The following EEFSEC variants were observed in gnomAD, a reference collection of about 807,000 sequenced individuals.
The protein encoded by EEFSEC is selenocysteine-specific elongation factor.
A neutral mutation model predicts 42.1 loss-of-function variants in EEFSEC; 43 were observed. The observed-to-expected ratio is 1.02, with a 90% CI of 0.80 to 1.32. The LOEUF is 1.32. Ranked by LOEUF, EEFSEC falls within the 40% of genes most tolerant of loss-of-function variation. The pLI is 0.00. For missense variants in EEFSEC, 745 were observed against 803.6 expected, an observed-to-expected ratio of 0.93 and a Z score of 0.88; for synonymous variants, 354 against 339.1, an observed-to-expected ratio of 1.04 and a Z score of -0.48.
chr3:128,178,126 G>A (rs190936021), intron 1 of EEFSEC, among the ~76,000 whole-genome samples: 73 of 152,218 alleles, frequency 4.8e-4, no homozygotes, highest in Non-Finnish European at 9.0e-4. Context: ...GTTCAGAGTC[G>A]AGTTATGTGG....
At chr3:128,248,186 A>G (rs2066147315) in intron 2 of EEFSEC, among the ~76,000 whole-genome samples, 2 of 152,344 alleles carry the variant, frequency 1.3e-5, no homozygotes, top group East Asian at 3.9e-4. Flanking sequence ...CTTTTGATCA[A>G]TACTAAATAG....
chr3:128,229,749 C>G (rs912886680), intron 1 of EEFSEC, among the ~76,000 whole-genome samples: 2 of 152,142 alleles, frequency 1.3e-5, no homozygotes, highest in African/African-American at 4.8e-5. Context: ...ATATAATATT[C>G]CAGATTTTTG....
At chr3:128,304,157 T>C (rs2066801656) in intron 4 of EEFSEC, among the ~76,000 whole-genome samples, 1 of 151,934 alleles carries the variant, frequency 6.6e-6, no homozygotes, top group Non-Finnish European at 1.5e-5. Context: ...TGAGTGTCTG[T>C]AGCTACTGGT....
chr3:128,348,028 ATTTGT>A (rs1323857063), intron 5 of EEFSEC, among the ~76,000 whole-genome samples: 1 of 152,220 alleles, frequency 6.6e-6, no homozygotes, highest in Non-Finnish European at 1.5e-5. Flanking sequence ...TTAAACAAAT[ATTTGT>A]AGAACATCTA....
chr3:128,292,584 T>C (rs1296918096), intron 4 of EEFSEC, among the ~76,000 whole-genome samples: 1 of 151,864 alleles, frequency 6.6e-6, no homozygotes, highest in Non-Finnish European at 1.5e-5. Flanking sequence ...TGTCTATTTA[T>C]TGGCATAAAG....
Position 128,166,131 on chromosome 3 carries a change from C to T in EEFSEC, c.316+12308C>T, listed in dbSNP as rs142537430. Among the ~76,000 whole-genome samples the T allele has an allele frequency of 4.5e-4, 69 of 152,332 alleles. No homozygotes were observed. The East Asian group carries it at 8.7e-3, about 19-fold the overall frequency. ...TTACATAAGAAGGACTCCATTTCTT[C>T]GGCACTTGCTGTCTGACCTCACAGA... is the stretch of plus-strand genomic sequence containing the variant. On this transcript the variant is annotated intron_variant, in intron 1 of 6. Coordinates refer to ENST00000254730, the MANE Select transcript of EEFSEC (RefSeq NM_021937.5).
At chr3:128,249,871 A>G (rs1576580050) in intron 2 of EEFSEC, among the ~76,000 whole-genome samples, 1 of 152,150 alleles carries the variant, frequency 6.6e-6, no homozygotes, top group Non-Finnish European at 1.5e-5. Flanking sequence ...GGCTACTGTG[A>G]ATAATGCTGC....
At chr3:128,251,980 G>A (rs186420113) in intron 2 of EEFSEC, among the ~76,000 whole-genome samples, 18 of 152,090 alleles carry the variant, frequency 1.2e-4, no homozygotes, top group Non-Finnish European at 1.6e-4. Flanking sequence ...TCTTTCCTGC[G>A]TGTACATAAT....
At chr3:128,381,564 G>T (rs994095623) in intron 6 of EEFSEC, among the ~76,000 whole-genome samples, 1 of 152,194 alleles carries the variant, frequency 6.6e-6, no homozygotes. Flanking sequence ...ACATTCATGC[G>T]TCAATCACCT....
chr3:128,322,314 GAC>G (rs1331175989), intron 4 of EEFSEC, among the ~76,000 whole-genome samples: 1 of 152,270 alleles, frequency 6.6e-6, no homozygotes, highest in African/African-American at 2.4e-5. Context: ...CTTGTGGAGG[GAC>G]CGTGTCCCTA....
chr3:128,348,601 A>G (rs2067345264), intron 5 of EEFSEC, among the ~76,000 whole-genome samples: 2 of 152,278 alleles, frequency 1.3e-5, no homozygotes, highest in African/African-American at 2.4e-5. Flanking sequence ...TTTGCATGGT[A>G]TGTACTTTTA....
At chr3:128,337,740 A>G (rs1559927176) in intron 4 of EEFSEC, among the ~76,000 whole-genome samples, 1 of 152,188 alleles carries the variant, frequency 6.6e-6, no homozygotes, top group East Asian at 1.9e-4. Context: ...CGGGATTTAG[A>G]AGGGAAGAGA....
chr3:128,368,111 C>A (rs1184653510), intron 6 of EEFSEC, among the ~76,000 whole-genome samples: 1 of 152,224 alleles, frequency 6.6e-6, no homozygotes, highest in East Asian at 1.9e-4. Context: ...CCAGTCACAG[C>A]AGATGGTGGT....
chr3:128,182,093 A>G (rs1013948223), intron 1 of EEFSEC, among the ~76,000 whole-genome samples: 1 of 152,232 alleles, frequency 6.6e-6, no homozygotes, highest in Non-Finnish European at 1.5e-5. Context: ...GATTACAGGC[A>G]TGAGCCACTG....
Position 128,207,395 on chromosome 3 carries a change from T to C in EEFSEC, c.317-39441T>C, listed in dbSNP as rs544073131. Among the ~76,000 whole-genome samples, 3 of 152,166 alleles carry C rather than the reference T, an allele frequency of 2.0e-5. No homozygotes were observed. In the South Asian group the frequency reaches 6.2e-4, roughly 32 times the overall value. On this transcript the variant is annotated intron_variant, in intron 1 of 6. Transcript: ENST00000254730. ...CTAGGAGGTTATGTTAACTGTGAAC[T>C]ATGAAGAGGAGCCACATTGTTTGTT...
At chr3:128,268,256 A>C (rs2066375737) in intron 4 of EEFSEC, among the ~76,000 whole-genome samples, 1 of 152,210 alleles carries the variant, frequency 6.6e-6, no homozygotes, top group South Asian at 2.1e-4. Flanking sequence ...ATGGAGAGGC[A>C]TTTTGCCCCA....
At chr3:128,230,964 G>A (rs1336029159) in intron 1 of EEFSEC, among the ~76,000 whole-genome samples, 1 of 152,066 alleles carries the variant, frequency 6.6e-6, no homozygotes, top group African/African-American at 2.4e-5. Context: ...GTAGGTGGCC[G>A]GTGGAACTAA....
chr3:128,422,025 C>T, the EEFSEC span, among the ~76,000 whole-genome samples: 18 of 152,282 alleles, frequency 1.2e-4, no homozygotes, highest in Non-Finnish European at 2.5e-4. Flanking sequence ...CTGGGGCAGT[C>T]GTGAAGACCA....
chr3:128,183,113 G>C (rs565092832), intron 1 of EEFSEC, among the ~76,000 whole-genome samples: 24 of 152,194 alleles, frequency 1.6e-4, no homozygotes, highest in African/African-American at 5.8e-4. Context: ...TGAGTATTAA[G>C]GCTTACCATG....
Sources: allele counts gnomAD v4.1 joint callset (sites outside exome capture counted in the v4.1 genomes callset), GRCh38; gene constraint gnomAD v4.1.1; transcripts MANE v1.5; gene names NCBI Gene and HGNC (gene_info 2026-07-23, HGNC 2026-07-21).